Variants in MIAT observed in about 807,000 individuals in gnomAD.
MIAT encodes the protein MI related novel mRNA.
chr22:26,664,005 C>CTTTTT (rs202155948), intron 3 of MIAT, among the ~76,000 whole-genome samples: 6 of 116,264 alleles, frequency 5.2e-5, no homozygotes, highest in African/African-American at 1.1e-4. Context: ...CTGTGTTCAG[C>CTTTTT]TTTTTTTTTT....
At chr22:26,657,668 C>G (rs1930512075) in intron 2 of MIAT, 2 of 398,672 alleles carry the variant, frequency 5.0e-6, no homozygotes, top group South Asian at 1.3e-4. Flanking sequence ...AGACGTCGCC[C>G]CATCCTAGAA....
intron 2 of MIAT, among the ~76,000 whole-genome samples, chr22:26,660,024 C>T (rs373480525): frequency 4.0e-5 from 6 of 150,764 alleles, no homozygotes; most frequent in African/African-American, 1.2e-4. Context: ...TTTGTAGAGC[C>T]GGGGTTTTGG....
At chr22:26,656,837 T>C (rs980269029) in intron 2 of MIAT, among the ~76,000 whole-genome samples, 1 of 148,960 alleles carries the variant, frequency 6.7e-6, no homozygotes, top group African/African-American at 2.5e-5. Context: ...AACCCAGGAG[T>C]TCGGGGGGGT....
intron 2 of MIAT, chr22:26,647,330 G>T: frequency 4.4e-6 from 1 of 226,208 alleles, no homozygotes; most frequent in South Asian, 1.7e-4. Context: ...CTCCCATGAT[G>T]AACCTCACGG....
At chr22:26,647,833 G>A (rs985646336) in intron 2 of MIAT, among the ~76,000 whole-genome samples, 2 of 152,078 alleles carry the variant, frequency 1.3e-5, no homozygotes, top group Non-Finnish European at 2.9e-5. Context: ...GATGGGAGGG[G>A]GAATGACTTG....
At chr22:26,659,138 G>A (rs1356174227) in intron 2 of MIAT, among the ~76,000 whole-genome samples, 1 of 152,108 alleles carries the variant, frequency 6.6e-6, no homozygotes, top group East Asian at 1.9e-4. Context: ...TGTTTACTCA[G>A]ACCTCCTCAT....
chr22:26,649,911 CA>C (rs201249034), intron 2 of MIAT, among the ~76,000 whole-genome samples: 14,519 of 149,496 alleles, frequency 0.097, 810 homozygotes, highest in South Asian at 0.13. Flanking sequence ...GACTCCGTCT[CA>C]AAAAAAAAAG....
At chr22:26,650,405 G>C (rs1930317040) in intron 2 of MIAT, 1 of 152,234 alleles carries the variant, frequency 6.6e-6, no homozygotes, top group South Asian at 2.1e-4. Context: ...TTGCTGACAA[G>C]TATCCTCTTT....
intron 2 of MIAT, among the ~76,000 whole-genome samples, chr22:26,647,505 C>T (rs1930256377): frequency 6.6e-6 from 1 of 151,624 alleles, no homozygotes; most frequent in African/African-American, 2.4e-5. Context: ...CCCAGTCAAT[C>T]CAGGGACCTA....
exon 4 of MIAT, chr22:26,665,706 A>G: frequency 2.5e-6 from 1 of 398,630 alleles, no homozygotes; most frequent in Non-Finnish European, 4.4e-6. Context: ...TAGAATGCCA[A>G]AGTGGGAGGG....
chr22:26,653,940 A>G (rs1201016599), intron 2 of MIAT, among the ~76,000 whole-genome samples: 1 of 152,132 alleles, frequency 6.6e-6, no homozygotes, highest in Non-Finnish European at 1.5e-5. Context: ...GAGTTTCACC[A>G]TGCTTGGCCA....
intron 2 of MIAT, among the ~76,000 whole-genome samples, chr22:26,659,948 G>A (rs186659507): frequency 6.1e-5 from 9 of 147,688 alleles, no homozygotes; most frequent in African/African-American, 2.2e-4. Flanking sequence ...TGATCCTTGT[G>A]CCTCAGCCTC....
chr22:26,675,647 G>A (rs1299896769), exon 5 of MIAT: 3 of 398,556 alleles, frequency 7.5e-6, no homozygotes, highest in Admixed American at 8.8e-5. Context: ...ATAAAGGCTC[G>A]GAAGGGGAGC....
At chr22:26,670,010 A>G, downstream of MIAT, 1 of 398,218 alleles carries the variant, frequency 2.5e-6, no homozygotes, top group Non-Finnish European at 4.4e-6. Context: ...GTAGGTGCTC[A>G]GCAAATGCTC....
At chr22:26,668,415 C>T (rs1041485667) in exon 6 of MIAT, 1 of 398,768 alleles carries the variant, frequency 2.5e-6, no homozygotes, top group Non-Finnish European at 4.4e-6. Flanking sequence ...ATGAGGGAGG[C>T]CTGGCAGCCC....
chr22:26,646,886 G>T, exon 1 of MIAT: 1 of 398,676 alleles, frequency 2.5e-6, no homozygotes, highest in Non-Finnish European at 4.4e-6. Context: ...GAGACAGGTA[G>T]ATAGGATCAA....
chr22:26,646,602 T>G (rs2145995207), exon 1 of MIAT: 1 of 396,140 alleles, frequency 2.5e-6, no homozygotes, highest in African/African-American at 2.1e-5. Context: ...TCAGATCCCT[T>G]CTAGTTGTGT....
chr22:26,665,755 T>A, exon 4 of MIAT: 1 of 398,628 alleles, frequency 2.5e-6, no homozygotes, highest in East Asian at 3.6e-5. Context: ...TCTACCTCTA[T>A]GGAAGAAAGA....
intron 2 of MIAT, among the ~76,000 whole-genome samples, chr22:26,653,523 G>A (rs1197977323): frequency 6.6e-6 from 1 of 152,092 alleles, no homozygotes; most frequent in Non-Finnish European, 1.5e-5. Flanking sequence ...CTGTACGTAG[G>A]CTAGGATAAT....
Sources: gnomAD v4.1 joint callset for allele counts (sites outside exome capture counted in the v4.1 genomes callset) on GRCh38, gnomAD v4.1.1 for gene constraint, MANE v1.5 for transcripts, NCBI Gene and HGNC (gene_info 2026-07-23, HGNC 2026-07-21) for gene names.